The following NAV3 variants were observed in gnomAD, a reference collection of about 807,000 sequenced individuals.
NAV3 encodes the protein neuron navigator 3.
NAV3 carries 87 observed loss-of-function variants against 244.7 expected under a neutral mutation model. The observed-to-expected ratio is 0.36, with a 90% CI of 0.30 to 0.42. The LOEUF is 0.42. Ranked by LOEUF, NAV3 falls within the 20% of genes least tolerant of loss-of-function variation. NAV3 has a pLI of 1.00. For synonymous variants in NAV3, 1,126 were observed against 1,042.2 expected, an observed-to-expected ratio of 1.08 and a Z score of -1.55; for missense variants, 2,663 against 2,893.3, an observed-to-expected ratio of 0.92 and a Z score of 1.83.
chr12:78,078,329 T>G (rs1953158677), intron 12 of NAV3, among the ~76,000 whole-genome samples: 1 of 150,474 alleles, frequency 6.6e-6, no homozygotes, highest in Admixed American at 6.6e-5. Flanking sequence ...CTAATTTCTA[T>G]GAACCCAAGT....
At chr12:77,965,439 G>A (rs890415338) in intron 3 of NAV3, among the ~76,000 whole-genome samples, 1 of 152,046 alleles carries the variant, frequency 6.6e-6, no homozygotes, top group South Asian at 2.1e-4. Flanking sequence ...GGCCAACATG[G>A]CAAAACCCCT....
At chr12:78,160,580 G>A (rs1957501152) in intron 23 of NAV3, among the ~76,000 whole-genome samples, 1 of 151,986 alleles carries the variant, frequency 6.6e-6, no homozygotes, top group African/African-American at 2.4e-5. Flanking sequence ...GATTCTGTAA[G>A]TTATGTGATT....
intron 2 of NAV3, among the ~76,000 whole-genome samples, chr12:77,689,047 A>G (rs1874885648): frequency 6.6e-6 from 1 of 151,920 alleles, no homozygotes; most frequent in South Asian, 2.1e-4. Flanking sequence ...GCATAAGCAG[A>G]AGGGTTAAGG....
In NAV3 at chr12:77,696,615, C is replaced by A. The variant is rs569795184; in HGVS notation, c.72+124349C>A. On this transcript the variant is annotated intron_variant, in intron 2 of 8. Transcript: ENST00000550042. ...TATGAGATGATAAACATGGGTTACT[C>A]TAAGTTACTAAGCTTATGGCAATTT... Among the ~76,000 whole-genome samples, 3 of 152,134 alleles carry A rather than the reference C, an allele frequency of 2.0e-5. No individual in the cohort carries two copies. In the South Asian group the frequency reaches 6.2e-4, roughly 32 times the overall value.
chr12:77,903,744 A>G (rs1331828139), intron 1 of NAV3, among the ~76,000 whole-genome samples: 1 of 152,234 alleles, frequency 6.6e-6, no homozygotes, highest in Admixed American at 6.5e-5. Flanking sequence ...CAACCTACTC[A>G]TCTGACAAAG....
intron 12 of NAV3, among the ~76,000 whole-genome samples, chr12:78,080,999 A>G (rs1230001904): frequency 6.6e-6 from 1 of 152,240 alleles, no homozygotes; most frequent in African/African-American, 2.4e-5. Context: ...GATCGTATCC[A>G]TTTGACAAGC....
chr12:78,001,247 A>G (rs1462258202), intron 7 of NAV3, among the ~76,000 whole-genome samples: 2 of 152,204 alleles, frequency 1.3e-5, no homozygotes, highest in Non-Finnish European at 2.9e-5. Context: ...GAATATTATT[A>G]TTCTAATTGC....
intron 6 of NAV3, among the ~76,000 whole-genome samples, chr12:77,997,134 A>C (rs1872483058): frequency 6.7e-6 from 1 of 150,264 alleles, no homozygotes; most frequent in South Asian, 2.1e-4. Context: ...AGCTACTCAG[A>C]GGCTGAGGCA....
At chr12:77,621,830 A>G (rs564334989) in intron 2 of NAV3, among the ~76,000 whole-genome samples, 3 of 152,258 alleles carry the variant, frequency 2.0e-5, no homozygotes, top group African/African-American at 7.2e-5. Flanking sequence ...CTTGATCTCA[A>G]GAAGTCCCAG....
At chr12:77,643,310 T>C (rs1872496889) in intron 2 of NAV3, among the ~76,000 whole-genome samples, 1 of 151,784 alleles carries the variant, frequency 6.6e-6, no homozygotes, top group Non-Finnish European at 1.5e-5. Flanking sequence ...ACTTTATGAG[T>C]TTATAAATAC....
intron 1 of NAV3, among the ~76,000 whole-genome samples, chr12:77,862,798 T>C (rs1210541563): frequency 6.6e-6 from 1 of 151,852 alleles, no homozygotes; most frequent in Non-Finnish European, 1.5e-5. Context: ...AATGTTTCCA[T>C]ATTAATCAGG....
intron 3 of NAV3, among the ~76,000 whole-genome samples, chr12:77,962,436 A>T (rs1382739254): frequency 6.6e-6 from 1 of 152,148 alleles, no homozygotes; most frequent in African/African-American, 2.4e-5. Context: ...CATTGGATAC[A>T]GACTTCATCC....
At chr12:78,160,643 AT>A (rs1339011128) in intron 23 of NAV3, among the ~76,000 whole-genome samples, 1 of 152,128 alleles carries the variant, frequency 6.6e-6, no homozygotes, top group Non-Finnish European at 1.5e-5. Context: ...ACAAAAGTTT[AT>A]TTTTAAAACA....
intron 2 of NAV3, among the ~76,000 whole-genome samples, chr12:77,607,266 A>C (rs695980): frequency 0.34 from 52,017 of 151,892 alleles, 9,155 homozygotes; most frequent in Middle Eastern, 0.49. Flanking sequence ...GGGCAGTTTT[A>C]TCTACGCTAT....
intron 12 of NAV3, among the ~76,000 whole-genome samples, chr12:78,093,677 C>G (rs976826783): frequency 1.9e-4 from 29 of 151,910 alleles, no homozygotes; most frequent in Admixed American, 1.8e-3. Context: ...GAAAATCTAA[C>G]TATTAGAAAA....
intron 2 of NAV3, among the ~76,000 whole-genome samples, chr12:77,655,667 A>G (rs973493290): frequency 6.6e-6 from 1 of 152,236 alleles, no homozygotes; most frequent in African/African-American, 2.4e-5. Context: ...GATTCACCAA[A>G]GTTGAAATGA....
chr12:77,674,192 A>T (rs1337086275), intron 2 of NAV3, among the ~76,000 whole-genome samples: 1 of 152,206 alleles, frequency 6.6e-6, no homozygotes, highest in Admixed American at 6.5e-5. Flanking sequence ...GCTTTGGGCT[A>T]TCTTTAGCTC....
intron 12 of NAV3, among the ~76,000 whole-genome samples, chr12:78,068,241 A>G (rs1196508668): frequency 6.6e-6 from 1 of 151,960 alleles, no homozygotes; most frequent in Non-Finnish European, 1.5e-5. Flanking sequence ...ATACTTTCTT[A>G]ATAAATAATA....
At chr12:78,105,713 A>G (rs146947461) in intron 12 of NAV3, among the ~76,000 whole-genome samples, 25 of 152,036 alleles carry the variant, frequency 1.6e-4, no homozygotes, top group Non-Finnish European at 2.1e-4. Context: ...TGTTTGCAAA[A>G]TGTAAAAAAA....
Sources: gnomAD v4.1 joint callset for allele counts (sites outside exome capture counted in the v4.1 genomes callset) on GRCh38, gnomAD v4.1.1 for gene constraint, MANE v1.5 for transcripts, NCBI Gene and HGNC (gene_info 2026-07-23, HGNC 2026-07-21) for gene names.